PSTPIP1: variants seen among roughly 807,000 people sequenced by gnomAD.
PSTPIP1 encodes proline-serine-threonine phosphatase-interacting protein 1.
In PSTPIP1, 66 loss-of-function variants were observed where a neutral mutation model predicts 69.6. That is an observed-to-expected ratio of 0.95 (90% confidence interval 0.78 to 1.16). The LOEUF (loss-of-function observed/expected upper bound fraction) is 1.16, where lower values mean the gene tolerates loss of function less well. Among genes scored for constraint, PSTPIP1 ranks in the 50% most tolerant of loss-of-function variants. The pLI is 0.00. For missense variants in PSTPIP1, 603 were observed against 557.4 expected, an observed-to-expected ratio of 1.08 and a Z score of -0.82; for synonymous variants, 266 against 222.7, an observed-to-expected ratio of 1.19 and a Z score of -1.73.
intron 7 of PSTPIP1, 80 bp from the exon 8 acceptor site, chr15:77,029,449 G>A: frequency 6.6e-7 from 1 of 1,508,448 alleles, no homozygotes; most frequent in Non-Finnish European, 9.0e-7. Flanking sequence ...GGGGAAGCTT[G>A]ACAGTCACTT....
At chr15:77,003,380 A>AT (rs1376002058) in intron 1 of PSTPIP1, among the ~76,000 whole-genome samples, 1 of 152,182 alleles carries the variant, frequency 6.6e-6, no homozygotes, top group Non-Finnish European at 1.5e-5. Context: ...GTCATGCTCC[A>AT]TCCTCCAGGC....
chr15:77,032,266 C>A lies in PSTPIP1; in HGVS notation c.742-32C>A, dbSNP rs748215230. ...GCCCACAGAGGGGCAGAGTGGGCAT[C>A]GGGCTGCGGCCTCTGCTCTTTCCTG... On this transcript the variant is annotated intron_variant, in intron 10 of 14. Coordinates refer to ENST00000558012, the MANE Select transcript of PSTPIP1 (RefSeq NM_003978.5). 2.5e-6 allele frequency: 4 copies of A among 1,603,494 alleles called. No homozygotes were observed. The South Asian group carries it at 4.4e-5, about 18-fold the overall frequency.
At chr15:77,015,786 G>A (rs945583643) in intron 1 of PSTPIP1, 4 of 385,414 alleles carry the variant, frequency 1.0e-5, no homozygotes, top group African/African-American at 2.1e-5. Flanking sequence ...GGGAGGCATC[G>A]TGAGCAGCCC....
chr15:77,013,860 C>T (rs1376305564), intron 1 of PSTPIP1, among the ~76,000 whole-genome samples: 1 of 152,198 alleles, frequency 6.6e-6, no homozygotes, highest in East Asian at 1.9e-4. Flanking sequence ...GAGTGCCAGG[C>T]AAGGGAGCAT....
chr15:77,011,369 A>C (rs556668291), intron 1 of PSTPIP1, among the ~76,000 whole-genome samples: 5 of 152,304 alleles, frequency 3.3e-5, no homozygotes, highest in South Asian at 2.1e-4. Context: ...TGGGCCTCCC[A>C]GCACAGTGGA....
rs143524873 is a variant in PSTPIP1 at position 77,000,645 on chromosome 15, A to G, written c.36+5036A>G. On this transcript the variant is annotated intron_variant, in intron 1 of 14. Transcript: ENST00000558012. ...GCTAATATTATGCTGTGTTTGCATA[A>G]GATTGCCTTACATAGGTGCAAGCAT... 2.4e-3 allele frequency among the ~76,000 whole-genome samples: 362 copies of G among 152,294 alleles called. 1 individual carries two copies. Among genetic ancestry groups the G allele is most frequent in the Non-Finnish European group, 3.7e-3 (252 of 68,010 alleles).
Position 77,037,292 on chromosome 15 carries a change from C to A in PSTPIP1, c.*116C>A, listed in dbSNP as rs2076605330. ...AGCGTCCCCCAGCCCCGAGAGGGAG[C>A]CTGTCGTCTCCCAGGGAATAAAGGA... On this transcript the variant is annotated 3_prime_UTR_variant, in exon 15 of 15. Coordinates refer to ENST00000558012, the MANE Select transcript of PSTPIP1 (RefSeq NM_003978.5). 1.5e-6 allele frequency: 2 copies of A among 1,342,502 alleles called. No individual in the cohort carries two copies. The highest frequency in any genetic ancestry group is 2.4e-5 in the Admixed American group (1 of 42,484). 83.2% of individuals were successfully genotyped at this position (1,342,502 alleles called of 1,614,324 possible).
rs778642250 is a variant in PSTPIP1 at position 77,032,394 on chromosome 15, G to T, written c.838G>T (p.Ala280Ser). ...CAAGAGCACGGGCACAGAGCCCCCC[G>T]GTGAGGTCCGGCTTGCGGACAGCGC... The part of the protein sequence containing the change: ...QAKSTGTEPP[A>S]PVPYQNYYDR... Residue 280 changes from alanine to serine, a missense_variant and splice_region_variant, in exon 11 of 15, where the codon GCT (alanine) becomes TCT (serine). By Grantham distance (99) the Ala-to-Ser change is moderately conservative (BLOSUM62 1). Coordinates refer to ENST00000558012, the MANE Select transcript of PSTPIP1 (RefSeq NM_003978.5). 7.4e-6 allele frequency: 12 copies of T among 1,612,508 alleles called. No individual in the cohort carries two copies. The highest frequency in any genetic ancestry group is 9.3e-6 in the Non-Finnish European group (11 of 1,179,784).
intron 3 of PSTPIP1, among the ~76,000 whole-genome samples, chr15:77,022,115 C>T (rs1033817193): frequency 6.6e-6 from 1 of 152,244 alleles, no homozygotes; most frequent in Non-Finnish European, 1.5e-5. Context: ...TGTGGTTTTC[C>T]TGTCAGAGAG....
intron 14 of PSTPIP1, 41 bp downstream of exon 14, chr15:77,035,976 C>G: frequency 6.5e-7 from 1 of 1,545,802 alleles, no homozygotes; most frequent in South Asian, 1.2e-5. Flanking sequence ...GCCACCTCCC[C>G]TGCACCTGAG....
intron 1 of PSTPIP1, among the ~76,000 whole-genome samples, chr15:76,995,898 G>T (rs1471751790): frequency 6.6e-6 from 1 of 152,236 alleles, no homozygotes; most frequent in Non-Finnish European, 1.5e-5. Flanking sequence ...ACACATGGGT[G>T]GGGGCTTGAG....
chr15:77,031,892 T>C, intron 10 of PSTPIP1: 1 of 193,110 alleles, frequency 5.2e-6, no homozygotes, highest in South Asian at 1.0e-4. Flanking sequence ...TCTTGTTGTT[T>C]TTGCCCAAGT....
At chr15:77,034,239 C>A (rs35393077) in intron 12 of PSTPIP1, among the ~76,000 whole-genome samples, 94,980 of 151,724 alleles carry the variant, frequency 0.63, 29,994 homozygotes, top group Middle Eastern at 0.72. Context: ...AGCCCTGCAC[C>A]CCTTTCCCCC....
At chr15:77,031,492 T>C (rs528984283) in intron 10 of PSTPIP1, 11 of 473,512 alleles carry the variant, frequency 2.3e-5, no homozygotes, top group African/African-American at 2.2e-4. Flanking sequence ...GCCTGGAAGA[T>C]GATGACTCTG....
At position 77,033,464 on chromosome 15, in the gene PSTPIP1, C is replaced by T. The variant is rs774979589; in HGVS notation, c.929+512C>T. ...TGAGTGTTGGGGTCAGATTCAGAAT[C>T]TAAGGACTCTCCTGGTTCAGGCCTT... On this transcript the variant is annotated intron_variant, in intron 12 of 14. Coordinates refer to ENST00000558012, the MANE Select transcript of PSTPIP1 (RefSeq NM_003978.5). 8.5e-5 allele frequency among the ~76,000 whole-genome samples: 13 copies of T among 152,210 alleles called. 1 individual carries two copies. The highest frequency in any genetic ancestry group is 1.2e-4 in the African/African-American group (5 of 41,458).
chr15:77,031,025 T>C (rs2076402232), intron 9 of PSTPIP1, among the ~76,000 whole-genome samples, 155 bp from the exon 10 acceptor site: 1 of 151,824 alleles, frequency 6.6e-6, no homozygotes, highest in East Asian at 1.9e-4. Flanking sequence ...TGGCCCGGAG[T>C]CGGGATGGGG....
chr15:76,999,057 C>T (rs1269736582), intron 1 of PSTPIP1, among the ~76,000 whole-genome samples: 7 of 152,154 alleles, frequency 4.6e-5, no homozygotes, highest in East Asian at 1.9e-4. Flanking sequence ...GAGTCTAAGG[C>T]GCTGGGAAGC....
chr15:77,028,230 G>A, intron 6 of PSTPIP1: 1 of 511,140 alleles, frequency 2.0e-6, no homozygotes, highest in Non-Finnish European at 3.5e-6. Context: ...GGACAGGAAG[G>A]GAGAGGGGCT....
At chr15:77,008,361 C>A (rs1224186946) in intron 1 of PSTPIP1, among the ~76,000 whole-genome samples, 1 of 152,160 alleles carries the variant, frequency 6.6e-6, no homozygotes, top group Non-Finnish European at 1.5e-5. Context: ...CCTCAGATAA[C>A]TCCCAGTCCT....
Sources: gnomAD v4.1 joint callset for allele counts (sites outside exome capture counted in the v4.1 genomes callset) on GRCh38, gnomAD v4.1.1 for gene constraint, MANE v1.5 for transcripts, NCBI Gene and HGNC (gene_info 2026-07-23, HGNC 2026-07-21) for gene names.